The following UTRN variants were observed in gnomAD, a reference collection of about 807,000 sequenced individuals.
The protein encoded by UTRN is dystrophin-related protein 1.
A neutral mutation model predicts 463.9 loss-of-function variants in UTRN; 283 were observed. That is an observed-to-expected ratio of 0.61 (90% CI 0.55 to 0.67). The LOEUF is 0.67. Ranked by LOEUF, UTRN falls within the 30% of genes least tolerant of loss-of-function variation. UTRN has a pLI of 0.00. For missense variants in UTRN, 3,922 were observed against 4,084.3 expected, an observed-to-expected ratio of 0.96 and a Z score of 1.08; for synonymous variants, 1,442 against 1,431.5, an observed-to-expected ratio of 1.01 and a Z score of -0.17.
chr6:144,690,841 T>A (rs1783326159), intron 52 of UTRN, among the ~76,000 whole-genome samples: 1 of 152,120 alleles, frequency 6.6e-6, no homozygotes, highest in Non-Finnish European at 1.5e-5. Flanking sequence ...CTGTAGGCAG[T>A]TTCTCCCTTT....
intron 25 of UTRN, among the ~76,000 whole-genome samples, chr6:144,476,652 C>T (rs957305753): frequency 4.6e-5 from 7 of 152,080 alleles, no homozygotes; most frequent in African/African-American, 1.7e-4. Context: ...AATGTGGGGT[C>T]CCAAATGCTA....
chr6:144,623,741 A>G lies in UTRN; in HGVS notation c.7479+46453A>G, dbSNP rs550990414. On this transcript the variant is annotated intron_variant, in intron 51 of 74. Coordinates refer to ENST00000367545, the MANE Select transcript of UTRN (RefSeq NM_007124.3). ...GTATTTAGATTTCAGTGCTTAAAAA[A>G]TTATTCACGGGATTTTTTCCCTTCA... 3.2e-4 allele frequency among the ~76,000 whole-genome samples: 48 copies of G among 152,338 alleles called. 1 individual carries two copies. In the South Asian group the frequency reaches 8.3e-3, roughly 26 times the overall value.
intron 54 of UTRN, among the ~76,000 whole-genome samples, chr6:144,744,077 C>T (rs1272160171): frequency 6.8e-6 from 1 of 147,480 alleles, no homozygotes; most frequent in Non-Finnish European, 1.5e-5. Context: ...CACATGAGGC[C>T]AGAAGTTTGA....
intron 26 of UTRN, among the ~76,000 whole-genome samples, chr6:144,481,647 G>A (rs1791874626): frequency 1.3e-5 from 2 of 152,198 alleles, no homozygotes; most frequent in African/African-American, 2.4e-5. Context: ...CTTCATGTCA[G>A]TAAACATACT....
chr6:144,394,388 C>T (rs959527972), intron 2 of UTRN, among the ~76,000 whole-genome samples: 1 of 152,138 alleles, frequency 6.6e-6, no homozygotes, highest in Non-Finnish European at 1.5e-5. Flanking sequence ...AAACCATCAG[C>T]TCTCATGAGA....
intron 25 of UTRN, among the ~76,000 whole-genome samples, chr6:144,475,612 T>G (rs1791112241): frequency 1.3e-5 from 2 of 152,174 alleles, no homozygotes; most frequent in African/African-American, 2.4e-5. Flanking sequence ...CTCTGGCTTT[T>G]TGTTTTGTTT....
chr6:144,684,342 G>A (rs116737392), intron 52 of UTRN, among the ~76,000 whole-genome samples: 141 of 152,132 alleles, frequency 9.3e-4, no homozygotes, highest in African/African-American at 3.1e-3. Flanking sequence ...GAGCCACCAC[G>A]CCCAGCCCCA....
At chr6:144,531,401 G>A (rs2128601808) in intron 42 of UTRN, among the ~76,000 whole-genome samples, 199 bp downstream of exon 42, 1 of 152,248 alleles carries the variant, frequency 6.6e-6, no homozygotes, top group African/African-American at 2.4e-5. Flanking sequence ...GGATTTCAAA[G>A]AAATTTAAAT....
intron 51 of UTRN, among the ~76,000 whole-genome samples, chr6:144,635,727 A>T (rs1777106068): frequency 6.6e-6 from 1 of 150,704 alleles, no homozygotes; most frequent in South Asian, 2.1e-4. Flanking sequence ...TTTAGTAGAG[A>T]TGACGTTATG....
chr6:144,843,675 A>C (rs1010298107), intron 73 of UTRN, among the ~76,000 whole-genome samples: 1 of 152,128 alleles, frequency 6.6e-6, no homozygotes, highest in Non-Finnish European at 1.5e-5. Flanking sequence ...TCCCCTCTTC[A>C]CCAATGTCAT....
chr6:144,823,577 A>G (rs1779777571), intron 66 of UTRN, among the ~76,000 whole-genome samples: 2 of 152,182 alleles, frequency 1.3e-5, no homozygotes, highest in Non-Finnish European at 2.9e-5. Flanking sequence ...TTACACATGC[A>G]TGCATGGAGG....
At chr6:144,699,473 G>GTTTTTTTTTTTTTTTTT (rs71024902) in intron 52 of UTRN, among the ~76,000 whole-genome samples, 6 of 67,616 alleles carry the variant, frequency 8.9e-5, no homozygotes, top group Admixed American at 2.9e-4. Flanking sequence ...TTAGTCAGTG[G>GTTTTTTTTTTTTTTTTT]TTTTTTTTTT....
At chr6:144,319,856 A>ATT (rs36057957) in intron 2 of UTRN, among the ~76,000 whole-genome samples, 2 of 141,726 alleles carry the variant, frequency 1.4e-5, no homozygotes, top group South Asian at 2.3e-4. Context: ...ACTTAAGTAC[A>ATT]TTTTTTTTTT....
At position 144,377,125 on chromosome 6, in the gene UTRN, C is replaced by G. The variant is rs940424120; in HGVS notation, c.80-25998C>G. 9.9e-5 allele frequency among the ~76,000 whole-genome samples: 15 copies of G among 152,264 alleles called. No individual in the cohort carries two copies. The East Asian group carries it at 2.9e-3, about 29-fold the overall frequency. On this transcript the variant is annotated intron_variant, in intron 2 of 74. Coordinates refer to ENST00000367545, the MANE Select transcript of UTRN (RefSeq NM_007124.3). ...TGATCTCAGCTCACTGCAACCTCTA[C>G]CTTCTGGGTTCAAGTGATTCTCGTG...
In UTRN at chr6:144,795,987, C is replaced by G. The variant is rs1777179243; in HGVS notation, c.9079-1837C>G. Among the ~76,000 whole-genome samples, 3 of 152,110 alleles carry G rather than the reference C, an allele frequency of 2.0e-5. No homozygotes were observed. In the South Asian group the frequency reaches 6.2e-4, roughly 32 times the overall value. ...GTGTTTTAGTCATGAAGTCTTTGCC[C>G]ATGACTATGTCCTGAATGGTATTGC... On this transcript the variant is annotated intron_variant, in intron 63 of 74. Coordinates refer to ENST00000367545, the MANE Select transcript of UTRN (RefSeq NM_007124.3).
chr6:144,387,921 G>A (rs182119526), intron 2 of UTRN, among the ~76,000 whole-genome samples: 68 of 152,242 alleles, frequency 4.5e-4, no homozygotes, highest in Admixed American at 2.4e-3. Flanking sequence ...AGACAGACCC[G>A]CAGACAGACA....
At chr6:144,828,529 G>A (rs1177068522) in intron 68 of UTRN, among the ~76,000 whole-genome samples, 3 of 152,142 alleles carry the variant, frequency 2.0e-5, no homozygotes, top group Non-Finnish European at 4.4e-5. Context: ...GAAAGCCTAG[G>A]TCTGGGAGCT....
chr6:144,398,686 G>A (rs867316714), intron 2 of UTRN: 1 of 154,430 alleles, frequency 6.5e-6, no homozygotes, highest in African/African-American at 2.4e-5. Flanking sequence ...ATAGCTCACT[G>A]CCCTGCGGGC....
intron 2 of UTRN, among the ~76,000 whole-genome samples, chr6:144,383,195 G>C (rs1781088677): frequency 6.6e-6 from 1 of 152,176 alleles, no homozygotes; most frequent in African/African-American, 2.4e-5. Flanking sequence ...GCCTCCCAAA[G>C]TGTTGGGATT....
Sources: allele counts gnomAD v4.1 joint callset (sites outside exome capture counted in the v4.1 genomes callset), GRCh38; gene constraint gnomAD v4.1.1; transcripts MANE v1.5; gene names NCBI Gene and HGNC (gene_info 2026-07-23, HGNC 2026-07-21).